The following THRB variants were observed in gnomAD, a reference collection of about 807,000 sequenced individuals.
THRB encodes nuclear receptor subfamily 1 group A member 2.
THRB carries 12 observed loss-of-function variants against 47.8 expected under a neutral mutation model. That is an observed-to-expected ratio of 0.25 (90% CI 0.16 to 0.41). The LOEUF is 0.41. Ranked by LOEUF, THRB falls within the 10% of genes least tolerant of loss-of-function variation. The probability of loss-of-function intolerance (pLI) is 1.00; values close to 1 mark genes in which losing one functional copy is unlikely to be tolerated. For missense variants in THRB, 348 were observed against 589.2 expected, an observed-to-expected ratio of 0.59 and a Z score of 4.24; for synonymous variants, 218 against 212.2, an observed-to-expected ratio of 1.03 and a Z score of -0.24.
At chr3:24,273,354 T>C (rs1262973574) in intron 3 of THRB, among the ~76,000 whole-genome samples, 1 of 152,196 alleles carries the variant, frequency 6.6e-6, no homozygotes, top group Admixed American at 6.5e-5. Context: ...GCTTACATTC[T>C]AACAGGTGTC....
At chr3:24,325,369 C>G (rs895056977) in intron 2 of THRB, among the ~76,000 whole-genome samples, 1 of 152,092 alleles carries the variant, frequency 6.6e-6, no homozygotes, top group African/African-American at 2.4e-5. Flanking sequence ...GGTTCACTCT[C>G]AATTAATTGC....
At chr3:24,450,631 A>G (rs745333589) in intron 1 of THRB, among the ~76,000 whole-genome samples, 2 of 152,236 alleles carry the variant, frequency 1.3e-5, no homozygotes, top group Non-Finnish European at 2.9e-5. Flanking sequence ...TGTAATAAAG[A>G]ACTTCATTCT....
chr3:24,147,040 C>G (rs1050611736), intron 6 of THRB, among the ~76,000 whole-genome samples: 1 of 152,060 alleles, frequency 6.6e-6, no homozygotes, highest in African/African-American at 2.4e-5. Flanking sequence ...ACAGAGTCAA[C>G]ACCTTTTTTT....
intron 2 of THRB, among the ~76,000 whole-genome samples, chr3:24,326,526 G>A (rs559130086): frequency 2.6e-5 from 4 of 152,114 alleles, no homozygotes; most frequent in Non-Finnish European, 4.4e-5. Context: ...ATGAGTCACC[G>A]TTCCCGGCCA....
intron 2 of THRB, among the ~76,000 whole-genome samples, chr3:24,313,239 A>G (rs146423394): frequency 2.6e-5 from 4 of 152,028 alleles, no homozygotes; most frequent in African/African-American, 9.7e-5. Context: ...TTTCCTCTCA[A>G]CCACTCGGGA....
chr3:24,403,885 GAA>G (rs1179576184), intron 1 of THRB, among the ~76,000 whole-genome samples: 1 of 151,896 alleles, frequency 6.6e-6, no homozygotes, highest in African/African-American at 2.4e-5. Flanking sequence ...AGTTTTTCTT[GAA>G]AGAGTCACTG....
At chr3:24,182,069 C>T (rs9860925) in intron 5 of THRB, among the ~76,000 whole-genome samples, 4,477 of 152,056 alleles carry the variant, frequency 0.029, 205 homozygotes, top group African/African-American at 0.094. Context: ...GGCGTGGTGG[C>T]GGGCGCCTGT....
intron 8 of THRB, among the ~76,000 whole-genome samples, 162 bp downstream of exon 8, chr3:24,143,339 T>C (rs145154644): frequency 1.7e-4 from 26 of 152,296 alleles, no homozygotes; most frequent in African/African-American, 6.3e-4. Flanking sequence ...AGACCTAGAC[T>C]CAAATCCTAG....
intron 1 of THRB, among the ~76,000 whole-genome samples, chr3:24,358,156 C>A (rs1236934622): frequency 6.6e-6 from 1 of 152,070 alleles, no homozygotes; most frequent in Non-Finnish European, 1.5e-5. Flanking sequence ...TATTGTTTTT[C>A]TTACTAATTC....
At chr3:24,220,481 A>T (rs1213310791) in intron 4 of THRB, among the ~76,000 whole-genome samples, 2 of 152,132 alleles carry the variant, frequency 1.3e-5, no homozygotes, top group Non-Finnish European at 2.9e-5. Flanking sequence ...ACAGAGTGAG[A>T]CCCTGTCTCA....
chr3:24,299,443 T>G (rs116357659), intron 2 of THRB, among the ~76,000 whole-genome samples: 1,672 of 152,134 alleles, frequency 0.011, 32 homozygotes, highest in African/African-American at 0.038. Flanking sequence ...GATCTTTGGA[T>G]GCTTTTCAAG....
At chr3:24,287,831 A>G (rs954232201) in intron 3 of THRB, among the ~76,000 whole-genome samples, 7 of 152,190 alleles carry the variant, frequency 4.6e-5, no homozygotes, top group Non-Finnish European at 1.0e-4. Context: ...GTCAAATGAT[A>G]AATTCCCACC....
intron 8 of THRB, among the ~76,000 whole-genome samples, chr3:24,136,624 CAT>C (rs2034711979): frequency 6.6e-6 from 1 of 152,206 alleles, no homozygotes; most frequent in African/African-American, 2.4e-5. Context: ...TACATTTGCT[CAT>C]ATACACATAT....
rs559325556 is a variant in THRB at position 24,118,973 on chromosome 3, G to GTTTTTTT, written c.*3904_*3910dup. The GTTTTTTT allele has an allele frequency of 5.0e-4, 25 of 49,514 alleles. 1 individual carries two copies. Among genetic ancestry groups the GTTTTTTT allele is most frequent in the East Asian group, 8.5e-4 (1 of 1,178 alleles). The allele number at this position is 49,514 out of a possible 1,614,324, so 3.1% of individuals were successfully genotyped here. ...GCCAAACCTTTTTTCCCCCAGTCTG[G>GTTTTTTT]TTTTTTTTTTTTTTTTTTTTTTTTT... On this transcript the variant is annotated 3_prime_UTR_variant, in exon 11 of 11. Transcript: ENST00000646209.
At chr3:24,143,431 G>A (rs937455415) in intron 8 of THRB, 70 bp downstream of exon 8, 11 of 1,450,418 alleles carry the variant, frequency 7.6e-6, no homozygotes, top group South Asian at 2.3e-5. Context: ...CCAAGGTGAT[G>A]AGGACTGAAT....
intron 5 of THRB, among the ~76,000 whole-genome samples, chr3:24,154,795 G>A (rs376084121): frequency 7.2e-5 from 11 of 152,268 alleles, no homozygotes; most frequent in African/African-American, 2.6e-4. Context: ...CTTATACCTC[G>A]AGGTTATACA....
intron 1 of THRB, among the ~76,000 whole-genome samples, chr3:24,485,792 C>A (rs1388763742): frequency 6.6e-6 from 1 of 152,180 alleles, no homozygotes; most frequent in Non-Finnish European, 1.5e-5. Flanking sequence ...TGGGTTCCCA[C>A]AATGTACATT....
intron 3 of THRB, among the ~76,000 whole-genome samples, chr3:24,295,319 T>C (rs1262830829): frequency 6.6e-6 from 1 of 152,210 alleles, no homozygotes; most frequent in African/African-American, 2.4e-5. Flanking sequence ...AGAAGGTACA[T>C]TTTTCTTTGG....
intron 6 of THRB, among the ~76,000 whole-genome samples, chr3:24,149,252 A>G (rs887074528): frequency 2.0e-5 from 3 of 152,164 alleles, no homozygotes; most frequent in African/African-American, 7.2e-5. Context: ...CTTCTGGAGG[A>G]AACAATAATT....
Sources: gnomAD v4.1 joint callset for allele counts (sites outside exome capture counted in the v4.1 genomes callset) on GRCh38, gnomAD v4.1.1 for gene constraint, MANE v1.5 for transcripts, NCBI Gene and HGNC (gene_info 2026-07-23, HGNC 2026-07-21) for gene names.